The following RP1L1 variants were observed in gnomAD, a reference collection of about 807,000 sequenced individuals.
RP1L1 encodes the protein retinitis pigmentosa 1-like 1 protein.
RP1L1 carries 27 observed loss-of-function variants against 15.7 expected under a neutral mutation model. The ratio of observed to expected loss-of-function variants is 1.72; its 90% confidence interval spans 1.27 to 2.38. The LOEUF is 2.38. Ranked by LOEUF, RP1L1 falls within the 30% of genes most tolerant of loss-of-function variation. RP1L1 has a pLI of 0.00. For missense variants in RP1L1, 4,798 were observed against 3,075.9 expected, an observed-to-expected ratio of 1.56 and a Z score of -13.24; for synonymous variants, 1,813 against 1,276.7, an observed-to-expected ratio of 1.42 and a Z score of -8.96.
chr8:10,645,388 G>T (rs948740179), intron 1 of RP1L1, among the ~76,000 whole-genome samples: 3 of 152,014 alleles, frequency 2.0e-5, no homozygotes, highest in African/African-American at 7.2e-5. Flanking sequence ...AAAGAATGAG[G>T]GACACATAAG....
At chr8:10,632,977 GGGGGCAGAGGAGC>G (rs1798274654) in intron 1 of RP1L1, among the ~76,000 whole-genome samples, 1 of 152,206 alleles carries the variant, frequency 6.6e-6, no homozygotes, top group South Asian at 2.1e-4. Context: ...ACTCACTGCT[GGGGGCAGAGGAGC>G]ACCAGTGCCT....
chr8:10,652,423 T>TGTA (rs1264677123), intron 1 of RP1L1, among the ~76,000 whole-genome samples: 3 of 152,136 alleles, frequency 2.0e-5, no homozygotes, highest in Non-Finnish European at 4.4e-5. Flanking sequence ...AGATTATACA[T>TGTA]GTAGATCTCC....
Position 10,610,101 on chromosome 8 carries a change from C to G in RP1L1, c.3997G>C (p.Glu1333Gln). 5 of 1,477,230 alleles carry G rather than the reference C, an allele frequency of 3.4e-6. 2 individuals are homozygous for G. The highest frequency in any genetic ancestry group is 6.1e-5 in the East Asian group (2 of 32,804). The allele number at this position is 1,477,230 out of a possible 1,614,324, so 91.5% of individuals were successfully genotyped here. Residue 1333 changes from glutamate to glutamine, a missense_variant, in exon 4 of 4, where the codon GAA (glutamate) becomes CAA (glutamine). Coordinates refer to ENST00000382483, the MANE Select transcript of RP1L1 (RefSeq NM_178857.6). ...EETKTEEGLQEEGVQLEETKE... is the reference protein window; with the variant it reads ...EETKTEEGLQQEGVQLEETKE... ...GTTTCCTCTAACTGCACCCCCTCTT[C>G]TTGCAGCCCTTCTTCTGTTTTAGTT...
rs1407711465 is a variant in RP1L1 at position 10,608,982 on chromosome 8, C to G, written c.5116G>C (p.Ala1706Pro). The G allele has an allele frequency of 6.2e-7, 1 of 1,613,196 alleles. No individual in the cohort carries two copies. Among genetic ancestry groups the G allele is most frequent in the South Asian group, 1.1e-5 (1 of 91,060 alleles). ...KRGEHTDGEA[A>P]EVAPGKTHTD... ...TGGGTCTTGCCAGGGGCCACCTCTG[C>G]TGCCTCCCCATCAGTGTGTTCTCCC... is the stretch of plus-strand genomic sequence containing the variant. Residue 1706 changes from alanine to proline, a missense_variant, in exon 4 of 4, where the codon GCA becomes CCA. Coordinates refer to ENST00000382483, the MANE Select transcript of RP1L1 (RefSeq NM_178857.6).
intron 1 of RP1L1, among the ~76,000 whole-genome samples, chr8:10,639,316 G>A (rs1041070940): frequency 6.6e-6 from 1 of 152,114 alleles, no homozygotes; most frequent in Non-Finnish European, 1.5e-5. Flanking sequence ...ATCTGCCCGC[G>A]TGGCTCTATC....
intron 1 of RP1L1, among the ~76,000 whole-genome samples, chr8:10,646,107 C>G (rs1361492202): frequency 6.6e-6 from 1 of 152,196 alleles, no homozygotes; most frequent in Non-Finnish European, 1.5e-5. Context: ...AAGAACCAGG[C>G]TGCACTGGGA....
chr8:10,632,577 G>A (rs530001471), intron 1 of RP1L1, among the ~76,000 whole-genome samples: 4 of 152,306 alleles, frequency 2.6e-5, no homozygotes, highest in African/African-American at 9.6e-5. Flanking sequence ...CTCACGGCCT[G>A]TAGAATCCCC....
chr8:10,618,656 C>A (rs566483168), intron 2 of RP1L1, among the ~76,000 whole-genome samples: 38 of 152,250 alleles, frequency 2.5e-4, no homozygotes, highest in East Asian at 5.8e-4. Flanking sequence ...TGGGCCACAG[C>A]ACTCCAAACT....
At chr8:10,645,078 GA>G (rs1798457045) in intron 1 of RP1L1, among the ~76,000 whole-genome samples, 1 of 152,176 alleles carries the variant, frequency 6.6e-6, no homozygotes, top group Non-Finnish European at 1.5e-5. Flanking sequence ...TGTAATTTCA[GA>G]ACTTTGGGGG....
rs768269818 is a variant in RP1L1 at position 10,607,428 on chromosome 8, C to G, written c.6670G>C (p.Glu2224Gln). ...APEAEEEAQP[E>Q]PEGVETPEAE... is the part of the protein sequence containing the mutation. ...TCCGGGGTCTCTACGCCTTCTGGCT[C>G]TGGCTGGGCCTCCTCTTCAGCCTCC... The change falls in exon 4 of 4, where the codon GAG becomes CAG. Residue 2224 changes from glutamate to glutamine, a missense_variant. By Grantham distance (29) the Glu-to-Gln change is conservative. Transcript: ENST00000382483. 3 of 1,613,726 alleles carry G rather than the reference C, an allele frequency of 1.9e-6. No individual in the cohort carries two copies. Among genetic ancestry groups the G allele is most frequent in the Non-Finnish European group, 1.7e-6 (2 of 1,179,914 alleles).
At chr8:10,645,035 T>G (rs975694666) in intron 1 of RP1L1, among the ~76,000 whole-genome samples, 2 of 152,220 alleles carry the variant, frequency 1.3e-5, no homozygotes, top group African/African-American at 2.4e-5. Flanking sequence ...CTTAAGTTTC[T>G]GTAATGTAGG....
In RP1L1 at chr8:10,612,250, G is replaced by T; in HGVS notation, c.1848C>A (p.Ser616=). The T allele has an allele frequency of 6.2e-7, 1 of 1,613,238 alleles. No individual in the cohort carries two copies. ...AGGCTCCTTCCGAGTCCCAGGAGCA[G>T]GAAAGGCCCAGAACCAGAGGCTCCC... is the stretch of plus-strand genomic sequence containing the variant. ...VTREPLVLGL[S]CSWDSEGASS... is the part of the protein sequence containing the mutation. The change falls in exon 4 of 4, where the codon TCC becomes TCA. Residue 616 remains serine, a synonymous_variant. Coordinates refer to ENST00000382483, the MANE Select transcript of RP1L1 (RefSeq NM_178857.6).
intron 3 of RP1L1, among the ~76,000 whole-genome samples, chr8:10,616,204 C>T (rs1797962211): frequency 6.6e-6 from 1 of 152,194 alleles, no homozygotes; most frequent in East Asian, 1.9e-4. Flanking sequence ...CCACCATGCC[C>T]AGCCTCTGTT....
At chr8:10,631,304 T>C (rs1335063389) in intron 1 of RP1L1, among the ~76,000 whole-genome samples, 4 of 83,930 alleles carry the variant, frequency 4.8e-5, no homozygotes, top group East Asian at 9.0e-4. Context: ...CAAACACGCA[T>C]GCACACACAC....
chr8:10,624,495 C>A (rs1387498457), intron 1 of RP1L1, among the ~76,000 whole-genome samples: 1 of 152,216 alleles, frequency 6.6e-6, no homozygotes, highest in Non-Finnish European at 1.5e-5. Context: ...GACTCCTGAG[C>A]TGAAGCCTAA....
chr8:10,645,771 G>C (rs761808079), intron 1 of RP1L1, among the ~76,000 whole-genome samples: 5 of 152,138 alleles, frequency 3.3e-5, no homozygotes, highest in Admixed American at 6.5e-5. Context: ...AGCGAGTCCA[G>C]CCCCCCAGAG....
intron 1 of RP1L1, among the ~76,000 whole-genome samples, chr8:10,634,045 C>A (rs1585992023): frequency 6.6e-6 from 1 of 152,136 alleles, no homozygotes. Context: ...CCTGAGGCAG[C>A]CTCAGCTCCT....
rs1315979425 is a variant in RP1L1, at chr8:10,648,852, C to T, written c.-20+6046G>A. Among the ~76,000 whole-genome samples, 6 of 152,272 alleles carry T rather than the reference C, an allele frequency of 3.9e-5. No homozygotes were observed. In the East Asian group the frequency reaches 9.6e-4, roughly 24 times the overall value. The stretch of plus-strand genomic sequence containing the variant: ...CCCCGTTCCCAGCATTTATCTTCCT[C>T]TATCCTGCACATACCATGGCTAGAG... On this transcript the variant is annotated intron_variant, in intron 1 of 3. Coordinates refer to ENST00000382483, the MANE Select transcript of RP1L1 (RefSeq NM_178857.6).
rs79465957 is a variant in RP1L1 at position 10,622,782 on chromosome 8, G to A, written c.420C>T (p.Gly140=). ...RDVEGQREAP[G]TSSSRKSLKT... is the part of the protein sequence containing the mutation. ...TAAGACTCTTCCGGGAGGAGGAGGT[G>A]CCTGGGGCTTCACGCTGGCCTTCGA... Residue 140 remains glycine, a synonymous_variant, in exon 2 of 4, where the codon GGC becomes GGT. Transcript: ENST00000382483. 3.1e-5 allele frequency: 50 copies of A among 1,613,808 alleles called. No homozygotes were observed. Among genetic ancestry groups the A allele is most frequent in the Non-Finnish European group, 3.6e-5 (43 of 1,179,958 alleles).
Sources: allele counts gnomAD v4.1 joint callset (sites outside exome capture counted in the v4.1 genomes callset), GRCh38; gene constraint gnomAD v4.1.1; transcripts MANE v1.5; gene names NCBI Gene and HGNC (gene_info 2026-07-23, HGNC 2026-07-21).